Variants in RBFOX1 observed in about 807,000 individuals in gnomAD.
RBFOX1 encodes RNA binding fox-1 homolog 1.
RBFOX1 carries 8 observed loss-of-function variants against 57.7 expected under a neutral mutation model. The ratio of observed to expected loss-of-function variants is 0.14; its 90% CI spans 0.08 to 0.25. The LOEUF (loss-of-function observed/expected upper bound fraction) is 0.25. Ranked by LOEUF, RBFOX1 falls within the 10% of genes least tolerant of loss-of-function variation. The pLI is 1.00. For synonymous variants in RBFOX1, 326 were observed against 222.4 expected (o/e 1.47, Z -4.15); for missense variants, 611 against 548.5 (o/e 1.11, Z -1.14).
intron 2 of RBFOX1, among the ~76,000 whole-genome samples, chr16:6,353,797 T>A (rs527673503): frequency 6.6e-6 from 1 of 152,158 alleles, no homozygotes. Context: ...CTGAAGGACA[T>A]TGGAGTGCCC....
chr16:7,310,517 CA>C (rs1417415217), intron 4 of RBFOX1, among the ~76,000 whole-genome samples: 4 of 152,088 alleles, frequency 2.6e-5, no homozygotes, highest in Non-Finnish European at 1.5e-5. Flanking sequence ...TATGTTTTAT[CA>C]AAACTTCATC....
At chr16:7,460,063 G>A (rs534986107) in intron 4 of RBFOX1, among the ~76,000 whole-genome samples, 1 of 151,962 alleles carries the variant, frequency 6.6e-6, no homozygotes, top group Non-Finnish European at 1.5e-5. Context: ...CAGACTTAGG[G>A]TTAGATAATT....
chr16:5,275,474 A>G (rs1018782635), intron 1 of RBFOX1, among the ~76,000 whole-genome samples: 6 of 152,200 alleles, frequency 3.9e-5, no homozygotes, highest in African/African-American at 1.4e-4. Context: ...GAATATACCT[A>G]ACCAAGGAGG....
intron 10 of RBFOX1, among the ~76,000 whole-genome samples, chr16:7,620,108 C>G (rs1263513071): frequency 6.6e-6 from 1 of 152,188 alleles, no homozygotes; most frequent in Non-Finnish European, 1.5e-5. Flanking sequence ...TATAAATTTG[C>G]TATTTCCTTT....
At position 7,253,770 on chromosome 16, in the gene RBFOX1, C is replaced by G. The variant is rs747548834; in HGVS notation, c.27+201672C>G. On this transcript the variant is annotated intron_variant, in intron 4 of 15. Transcript: ENST00000550418. ...CTCTCGTTACTTACCTTGCTGCCTC[C>G]TTGTGACTGGGAGTTCATGATGGGA... 3.3e-5 allele frequency among the ~76,000 whole-genome samples: 5 copies of G among 152,282 alleles called. No homozygotes were observed. The East Asian group carries it at 9.7e-4, about 29-fold the overall frequency.
chr16:6,246,404 C>T (rs1300659226), intron 1 of RBFOX1, among the ~76,000 whole-genome samples: 1 of 152,110 alleles, frequency 6.6e-6, no homozygotes, highest in Non-Finnish European at 1.5e-5. Context: ...TCTCCCCTTT[C>T]CCCAAAAGCA....
chr16:6,609,103 T>A (rs2097996393), intron 2 of RBFOX1, among the ~76,000 whole-genome samples: 1 of 152,178 alleles, frequency 6.6e-6, no homozygotes, highest in African/African-American at 2.4e-5. Flanking sequence ...TTTCCCTATT[T>A]AAGGTCTGCT....
intron 4 of RBFOX1, among the ~76,000 whole-genome samples, chr16:7,113,109 G>A (rs2065142821): frequency 1.3e-5 from 2 of 152,050 alleles, no homozygotes; most frequent in African/African-American, 4.8e-5. Context: ...GTTGAACCAC[G>A]GTCAATTCAA....
chr16:6,651,539 A>G (rs1035831774), intron 2 of RBFOX1, among the ~76,000 whole-genome samples: 4 of 152,242 alleles, frequency 2.6e-5, no homozygotes, highest in African/African-American at 7.2e-5. Flanking sequence ...TCTCTTCATT[A>G]TGCCTGAGTG....
At chr16:5,280,946 T>C (rs1409395396) in intron 1 of RBFOX1, among the ~76,000 whole-genome samples, 4 of 3,870 alleles carry the variant, frequency 1.0e-3, no homozygotes, top group Non-Finnish European at 2.0e-3. Flanking sequence ...TTGGTTCTGC[T>C]ATGTTATTTA....
intron 4 of RBFOX1, among the ~76,000 whole-genome samples, chr16:7,062,539 T>C (rs1005620138): frequency 6.6e-6 from 1 of 152,124 alleles, no homozygotes; most frequent in African/African-American, 2.4e-5. Context: ...GCTAGTACTT[T>C]ATTATTCTAT....
At chr16:7,565,112 G>A (rs1256910282) in intron 5 of RBFOX1, among the ~76,000 whole-genome samples, 2 of 152,202 alleles carry the variant, frequency 1.3e-5, no homozygotes, top group African/African-American at 4.8e-5. Context: ...ATTGTGAGAA[G>A]ACCCGAAGTG....
chr16:6,743,189 A>G (rs1048483070), intron 3 of RBFOX1, among the ~76,000 whole-genome samples: 1 of 152,210 alleles, frequency 6.6e-6, no homozygotes, highest in African/African-American at 2.4e-5. Flanking sequence ...ATGTAGAGTT[A>G]TAGCTAATAA....
intron 3 of RBFOX1, among the ~76,000 whole-genome samples, chr16:5,718,847 C>A (rs191826708): frequency 6.6e-6 from 1 of 151,894 alleles, no homozygotes; most frequent in Non-Finnish European, 1.5e-5. Context: ...AGGCTGAGGT[C>A]GCAGTGAGTG....
At chr16:5,730,591 C>G (rs73522300) in intron 3 of RBFOX1, among the ~76,000 whole-genome samples, 1 of 152,112 alleles carries the variant, frequency 6.6e-6, no homozygotes, top group Non-Finnish European at 1.5e-5. Flanking sequence ...CCATCATCAT[C>G]ACCAACATCA....
At chr16:7,336,152 C>G (rs938966716) in intron 4 of RBFOX1, among the ~76,000 whole-genome samples, 1 of 152,194 alleles carries the variant, frequency 6.6e-6, no homozygotes, top group Non-Finnish European at 1.5e-5. Flanking sequence ...GAGCCTCAGT[C>G]ACTTGCCCAA....
intron 2 of RBFOX1, 75 bp from the exon 3 acceptor site, chr16:6,654,528 C>T (rs1002106278): frequency 5.9e-6 from 7 of 1,184,928 alleles, no homozygotes; most frequent in Middle Eastern, 3.8e-4. Flanking sequence ...TTCAACAACA[C>T]CACTGAATGT....
chr16:7,165,881 T>G (rs544479130), intron 4 of RBFOX1, among the ~76,000 whole-genome samples: 1 of 151,960 alleles, frequency 6.6e-6, no homozygotes, highest in African/African-American at 2.4e-5. Flanking sequence ...TATTCTTGAA[T>G]AGATATGTTG....
intron 5 of RBFOX1, among the ~76,000 whole-genome samples, chr16:7,558,006 A>G (rs1004198258): frequency 7.2e-5 from 11 of 152,316 alleles, no homozygotes; most frequent in African/African-American, 2.6e-4. Context: ...ATAATATTCA[A>G]GTATGGTAAA....
Sources: gnomAD v4.1 joint callset for allele counts (sites outside exome capture counted in the v4.1 genomes callset) on GRCh38, gnomAD v4.1.1 for gene constraint, MANE v1.5 for transcripts, NCBI Gene and HGNC (gene_info 2026-07-23, HGNC 2026-07-21) for gene names.